The following INSC variants were observed in gnomAD, a reference collection of about 807,000 sequenced individuals.
INSC encodes the protein protein inscuteable homolog.
INSC carries 67 observed loss-of-function variants against 58.6 expected under a neutral mutation model. The observed-to-expected ratio is 1.14, with a 90% CI of 0.94 to 1.40. The LOEUF (loss-of-function observed/expected upper bound fraction) is 1.40. Among genes scored for constraint, INSC ranks in the 40% most tolerant of loss-of-function variants. The probability of loss-of-function intolerance (pLI) is 0.00; values close to 1 mark genes in which losing one functional copy is unlikely to be tolerated. For synonymous variants in INSC, 262 were observed against 276.1 expected, an observed-to-expected ratio of 0.95 and a Z score of 0.51; for missense variants, 714 against 692.0, an observed-to-expected ratio of 1.03 and a Z score of -0.36.
At chr11:15,126,343 ATGG>A (rs1333965043) in intron 1 of INSC, among the ~76,000 whole-genome samples, 1 of 152,226 alleles carries the variant, frequency 6.6e-6, no homozygotes, top group Non-Finnish European at 1.5e-5. Flanking sequence ...ACAGCAGGAT[ATGG>A]TAGTGGCAGT....
intron 1 of INSC, among the ~76,000 whole-genome samples, chr11:15,143,817 T>C (rs1848429289): frequency 6.6e-6 from 1 of 152,168 alleles, no homozygotes; most frequent in African/African-American, 2.4e-5. Flanking sequence ...AGGCAAGACA[T>C]CCAGATCTAG....
chr11:15,153,821 G>A (rs1430156071), intron 2 of INSC, among the ~76,000 whole-genome samples: 1 of 152,174 alleles, frequency 6.6e-6, no homozygotes, highest in Non-Finnish European at 1.5e-5. Context: ...GGAAACTGAG[G>A]CCCGGAGAGG....
rs1401141099 is a variant in INSC, at chr11:15,246,131, C to T, written c.*91C>T. On this transcript the variant is annotated 3_prime_UTR_variant, in exon 13 of 13. Coordinates refer to ENST00000379556, the MANE Select transcript of INSC (RefSeq NM_001042536.3). ...CATCTGAGTACATACCAGCTCTCCT[C>T]ATCTTCTTATTTATACTTAACTTAT... 7.3e-7 allele frequency: 1 copy of T among 1,372,206 alleles called. No homozygotes were observed. The highest frequency in any genetic ancestry group is 1.0e-6 in the Non-Finnish European group (1 of 1,001,314). The allele number at this position is 1,372,206 out of a possible 1,614,324, so 85.0% of individuals were successfully genotyped here. A position where few individuals can be genotyped will look rare whatever the true frequency, so the allele number is the denominator to read the frequency against.
At chr11:15,124,314 AG>A (rs1443494121) in intron 1 of INSC, among the ~76,000 whole-genome samples, 1 of 152,184 alleles carries the variant, frequency 6.6e-6, no homozygotes, top group African/African-American at 2.4e-5. Context: ...GTCAGCAGGA[AG>A]AATGGGAGAC....
At chr11:15,158,535 C>T (rs185719271) in intron 2 of INSC, among the ~76,000 whole-genome samples, 110 of 152,186 alleles carry the variant, frequency 7.2e-4, no homozygotes, top group African/African-American at 2.3e-3. Context: ...TATTCCCAGG[C>T]GAAGTCAGGC....
intron 1 of INSC, among the ~76,000 whole-genome samples, chr11:15,122,503 A>G (rs1429517728): frequency 6.6e-6 from 1 of 152,164 alleles, no homozygotes; most frequent in Non-Finnish European, 1.5e-5. Context: ...ATGTGTCCAA[A>G]ACAGAATTTC....
rs1481325887 is a variant in INSC at position 15,246,664 on chromosome 11, G to A, written c.*624G>A. 1 of 152,462 alleles carries A rather than the reference G, an allele frequency of 6.6e-6. No homozygotes were observed. The highest frequency in any genetic ancestry group is 1.5e-5 in the Non-Finnish European group (1 of 68,034). The allele number at this position is 152,462 out of a possible 1,614,324, so 9.4% of individuals were successfully genotyped here. A position where few individuals can be genotyped will look rare whatever the true frequency, so the allele number is the denominator to read the frequency against. On this transcript the variant is annotated 3_prime_UTR_variant, in exon 13 of 13. Coordinates refer to ENST00000379556, the MANE Select transcript of INSC (RefSeq NM_001042536.3). ...TAGGTGTATAAATAGGTTAAGTTCT[G>A]AGTGACTTAGTGAGAAACCAAAGTG...
At chr11:15,123,495 G>A (rs1008098803) in intron 1 of INSC, among the ~76,000 whole-genome samples, 4 of 152,314 alleles carry the variant, frequency 2.6e-5, no homozygotes, top group African/African-American at 9.6e-5. Flanking sequence ...ATAAAAATGA[G>A]AAGAGAAGTA....
At chr11:15,144,662 G>A (rs574863107) in intron 1 of INSC, among the ~76,000 whole-genome samples, 1 of 152,302 alleles carries the variant, frequency 6.6e-6, no homozygotes. Context: ...TCCCAGACAT[G>A]CTTGGAGCTG....
At chr11:15,143,623 CT>C (rs2133732841) in intron 1 of INSC, among the ~76,000 whole-genome samples, 1 of 152,246 alleles carries the variant, frequency 6.6e-6, no homozygotes, top group South Asian at 2.1e-4. Context: ...TAGATTTGTG[CT>C]TGAGATCACC....
At chr11:15,224,889 A>G (rs915454708) in intron 8 of INSC, among the ~76,000 whole-genome samples, 8 of 152,244 alleles carry the variant, frequency 5.3e-5, no homozygotes, top group African/African-American at 1.9e-4. Flanking sequence ...AGCTTGGTAT[A>G]GGACTTTCTT....
At position 15,225,810 on chromosome 11, in the gene INSC, G is replaced by A. The variant is rs1218168439; in HGVS notation, c.1152G>A (p.Thr384=). ...EACSDKQRVD[T]PYTRDQIVTI... is the part of the protein sequence containing the mutation. ...GCAGTGACAAGCAGAGAGTGGACAC[G>A]CCTTACACTCGGGACCAGGTAAGAC... The change falls in exon 9 of 13, where the codon ACG becomes ACA. Residue 384 remains threonine, a synonymous_variant. Coordinates refer to ENST00000379556, the MANE Select transcript of INSC (RefSeq NM_001042536.3). 3 of 1,613,142 alleles carry A rather than the reference G, an allele frequency of 1.9e-6. No individual in the cohort carries two copies. Among genetic ancestry groups the A allele is most frequent in the Non-Finnish European group, 2.5e-6 (3 of 1,179,588 alleles).
chr11:15,214,466 A>G (rs1851140492), intron 7 of INSC, among the ~76,000 whole-genome samples: 1 of 152,230 alleles, frequency 6.6e-6, no homozygotes, highest in South Asian at 2.1e-4. Flanking sequence ...TCCCTAAAAA[A>G]CAAAACTAAG....
chr11:15,184,722 G>A (rs1799790183), intron 5 of INSC, among the ~76,000 whole-genome samples: 1 of 152,194 alleles, frequency 6.6e-6, no homozygotes, highest in Admixed American at 6.5e-5. Flanking sequence ...AATGAAGTCA[G>A]GTCTTTACTG....
chr11:15,230,010 TATA>T lies in INSC; in HGVS notation c.1170+4186_1170+4188del, dbSNP rs1220604744. On this transcript the variant is annotated intron_variant, in intron 9 of 12. Transcript: ENST00000379556. ...ATATATATATATATATATATATATA[TATA>T]ATATATATATATATATATATATATA... 2.3e-3 allele frequency among the ~76,000 whole-genome samples: 65 copies of T among 28,122 alleles called. 1 individual carries two copies. Among genetic ancestry groups the T allele is most frequent in the African/African-American group, 4.2e-3 (26 of 6,206 alleles). The allele number at this position is 28,122 out of a possible 152,430, so 18.4% of individuals were successfully genotyped here.
chr11:15,200,271 C>T (rs1200034262), intron 6 of INSC, among the ~76,000 whole-genome samples: 1 of 151,358 alleles, frequency 6.6e-6, no homozygotes, highest in African/African-American at 2.4e-5. Context: ...TTTTTTTGAT[C>T]AAAAAATGGG....
chr11:15,240,583 C>T, intron 12 of INSC, 60 bp downstream of exon 12: 3 of 1,415,654 alleles, frequency 2.1e-6, no homozygotes, highest in South Asian at 2.4e-5. Context: ...CCAAGGGGGC[C>T]AGGAGAACCG....
chr11:15,211,059 AG>A (rs958493316), intron 7 of INSC, among the ~76,000 whole-genome samples: 6 of 152,252 alleles, frequency 3.9e-5, no homozygotes, highest in South Asian at 2.1e-4. Flanking sequence ...GGATAAGAAA[AG>A]GGGAAGAGAC....
intron 7 of INSC, 131 bp downstream of exon 7, chr11:15,201,080 C>A: frequency 1.7e-6 from 2 of 1,154,280 alleles, no homozygotes; most frequent in South Asian, 1.6e-5. Context: ...AGGCACCATT[C>A]GGATAGGGTG....
Sources: gnomAD v4.1 joint callset for allele counts (sites outside exome capture counted in the v4.1 genomes callset) on GRCh38, gnomAD v4.1.1 for gene constraint, MANE v1.5 for transcripts, NCBI Gene and HGNC (gene_info 2026-07-23, HGNC 2026-07-21) for gene names.